Variants in PTPRD observed in about 807,000 individuals in gnomAD.
The protein encoded by PTPRD is protein tyrosine phosphatase receptor type D, also known as receptor-type tyrosine-protein phosphatase delta.
In PTPRD, 34 loss-of-function variants were observed where a neutral mutation model predicts 214.5. The observed-to-expected ratio is 0.16, with a 90% CI of 0.12 to 0.21. PTPRD has a LOEUF of 0.21. PTPRD is among the 10% of genes least tolerant of loss of function. The pLI, the probability that PTPRD is intolerant of heterozygous loss-of-function variation, is 1.00. For synonymous variants in PTPRD, 1,128 were observed against 845.7 expected (o/e 1.33, Z -5.79); for missense variants, 2,545 against 2,398.7 (o/e 1.06, Z -1.27).
intron 2 of PTPRD, among the ~76,000 whole-genome samples, chr9:10,596,272 T>A (rs115691222): frequency 6.6e-6 from 1 of 151,776 alleles, no homozygotes; most frequent in South Asian, 2.1e-4. Flanking sequence ...AGAACTTACA[T>A]TGAACACACA....
chr9:8,370,933 C>T (rs1344540442), intron 39 of PTPRD, among the ~76,000 whole-genome samples: 1 of 152,078 alleles, frequency 6.6e-6, no homozygotes, highest in Non-Finnish European at 1.5e-5. Context: ...AAAATTACTC[C>T]TTGTAAATTA....
intron 11 of PTPRD, among the ~76,000 whole-genome samples, chr9:8,757,621 C>CATATATATATATATATATAT (rs140684940): frequency 7.0e-6 from 1 of 143,376 alleles, no homozygotes; most frequent in Non-Finnish European, 1.5e-5. Context: ...ATAAATTCTG[C>CATATATATATATATATATAT]ATATATATAT....
At chr9:9,208,020 CTTTTT>C in intron 9 of PTPRD, among the ~76,000 whole-genome samples, 1 of 53,268 alleles carries the variant, frequency 1.9e-5, no homozygotes, top group South Asian at 1.2e-3. Flanking sequence ...TATATATCTG[CTTTTT>C]TTTTTTTTTT....
intron 25 of PTPRD, among the ~76,000 whole-genome samples, chr9:8,497,624 A>G (rs185768988): frequency 5.7e-4 from 87 of 152,348 alleles, no homozygotes; most frequent in Non-Finnish European, 1.1e-3. Flanking sequence ...ATTTAGATTA[A>G]TATCTTTCAT....
chr9:9,062,046 T>C (rs190554302), intron 10 of PTPRD, among the ~76,000 whole-genome samples: 10 of 152,282 alleles, frequency 6.6e-5, no homozygotes, highest in African/African-American at 1.9e-4. Context: ...CCTCATCCAA[T>C]GCCCTTTCTC....
intron 11 of PTPRD, among the ~76,000 whole-genome samples, chr9:8,772,159 A>C (rs1313009374): frequency 1.3e-5 from 2 of 151,410 alleles, no homozygotes; most frequent in Non-Finnish European, 2.9e-5. Context: ...AACAACAACA[A>C]CACAGATTTT....
In PTPRD at chr9:10,610,593, G is replaced by C. The variant is rs185030021; in HGVS notation, c.-600+1805C>G. Among the ~76,000 whole-genome samples, 13 of 151,908 alleles carry C rather than the reference G, an allele frequency of 8.6e-5. No homozygotes were observed. The East Asian group carries it at 2.5e-3, about 29-fold the overall frequency. ...AGGTTATGTGCTATAATCCAAATCT[G>C]ATCAGCCAAGGGCTTCATTTTAAAT... On this transcript the variant is annotated intron_variant, in intron 2 of 45. Transcript: ENST00000381196.
At chr9:9,382,746 T>C (rs2062720245) in intron 9 of PTPRD, among the ~76,000 whole-genome samples, 1 of 152,030 alleles carries the variant, frequency 6.6e-6, no homozygotes, top group African/African-American at 2.4e-5. Context: ...CATTATGCAG[T>C]TTCCTTAAAA....
chr9:9,814,036 G>A (rs2047977365), intron 5 of PTPRD, among the ~76,000 whole-genome samples: 1 of 152,028 alleles, frequency 6.6e-6, no homozygotes, highest in Non-Finnish European at 1.5e-5. Context: ...CTAACAGAAT[G>A]AAGGATAAAT....
chr9:9,273,506 T>C (rs1943760895), intron 9 of PTPRD, among the ~76,000 whole-genome samples: 1 of 151,352 alleles, frequency 6.6e-6, no homozygotes, highest in Non-Finnish European at 1.5e-5. Context: ...ACATTAAATA[T>C]AGAAGATAAA....
chr9:9,020,405 A>G (rs926179965), intron 10 of PTPRD, among the ~76,000 whole-genome samples: 2 of 152,172 alleles, frequency 1.3e-5, no homozygotes, highest in Non-Finnish European at 2.9e-5. Context: ...AAATTTTGTA[A>G]GAAAGCTTGG....
At chr9:9,122,723 G>A (rs985893869) in intron 10 of PTPRD, among the ~76,000 whole-genome samples, 6 of 152,264 alleles carry the variant, frequency 3.9e-5, no homozygotes, top group African/African-American at 7.2e-5. Flanking sequence ...ATTTAGCTAC[G>A]TTCTGTTTTA....
Position 8,345,255 on chromosome 9 carries a change from C to T in PTPRD, c.4662-3277G>A, listed in dbSNP as rs543742988. Reference sequence around the variant, plus strand: ...GTAAATGTTGGTTTCCTTTCCCCTTCTCTGACAACACTTGGGAACTGCCCT... The same window carrying T: ...GTAAATGTTGGTTTCCTTTCCCCTTTTCTGACAACACTTGGGAACTGCCCT... On this transcript the variant is annotated intron_variant, in intron 39 of 45. Transcript: ENST00000381196. Among the ~76,000 whole-genome samples, 4 of 152,178 alleles carry T rather than the reference C, an allele frequency of 2.6e-5. No individual in the cohort carries two copies. In the South Asian group the frequency reaches 6.2e-4, roughly 24 times the overall value.
At chr9:8,573,177 C>T (rs528028998) in intron 14 of PTPRD, among the ~76,000 whole-genome samples, 1 of 152,080 alleles carries the variant, frequency 6.6e-6, no homozygotes, top group Admixed American at 6.5e-5. Context: ...GAATGCATGA[C>T]AACTCAGTGC....
intron 35 of PTPRD, among the ~76,000 whole-genome samples, chr9:8,408,512 G>A (rs184405983): frequency 8.2e-4 from 125 of 152,140 alleles, no homozygotes; most frequent in Non-Finnish European, 1.4e-3. Flanking sequence ...GGAGAATTTT[G>A]CAAGTTAGAA....
At chr9:10,255,787 G>C (rs2093212964) in intron 3 of PTPRD, among the ~76,000 whole-genome samples, 1 of 152,046 alleles carries the variant, frequency 6.6e-6, no homozygotes, top group Admixed American at 6.6e-5. Flanking sequence ...ATTCTATACA[G>C]TTTAAGAATT....
At chr9:9,103,293 T>C (rs1471192671) in intron 10 of PTPRD, among the ~76,000 whole-genome samples, 2 of 152,174 alleles carry the variant, frequency 1.3e-5, no homozygotes, top group Non-Finnish European at 2.9e-5. Flanking sequence ...GAAATAGTTT[T>C]TGTTTGTTTT....
Position 9,934,029 on chromosome 9 carries a change from A to G in PTPRD, c.-368+4478T>C, listed in dbSNP as rs1357265621. On this transcript the variant is annotated intron_variant, in intron 5 of 45. Transcript: ENST00000381196. ...GAAATAAAGATGTTCTTTGAAACCA[A>G]CGAGAACAAAGACACAACATACCAG... 6.7e-5 allele frequency among the ~76,000 whole-genome samples: 10 copies of G among 149,096 alleles called. No individual in the cohort carries two copies. The South Asian group carries it at 2.1e-3, about 31-fold the overall frequency.
chr9:8,960,712 C>A (rs2099154305), intron 11 of PTPRD, among the ~76,000 whole-genome samples: 1 of 152,126 alleles, frequency 6.6e-6, no homozygotes, highest in Non-Finnish European at 1.5e-5. Flanking sequence ...CAGAGACCTA[C>A]TTTCTAGCTT....
Sources: allele counts gnomAD v4.1 joint callset (sites outside exome capture counted in the v4.1 genomes callset), GRCh38; gene constraint gnomAD v4.1.1; transcripts MANE v1.5; gene names NCBI Gene and HGNC (gene_info 2026-07-23, HGNC 2026-07-21).